P4HA1: variants seen among roughly 807,000 people sequenced by gnomAD.
P4HA1 encodes the protein prolyl 4-hydroxylase subunit alpha-1.
A neutral mutation model predicts 72.8 loss-of-function variants in P4HA1; 24 were observed. The observed-to-expected ratio is 0.33, with a 90% CI of 0.24 to 0.46. The LOEUF (loss-of-function observed/expected upper bound fraction) is 0.46. P4HA1 is among the 20% of genes least tolerant of loss of function. P4HA1 has a pLI of 1.00. For missense variants in P4HA1, 446 were observed against 640.6 expected (o/e 0.70, Z 3.28); for synonymous variants, 201 against 218.8 (o/e 0.92, Z 0.72).
chr10:73,063,231 G>A (rs892172280), intron 5 of P4HA1, among the ~76,000 whole-genome samples: 16 of 152,166 alleles, frequency 1.1e-4, no homozygotes, highest in Non-Finnish European at 1.5e-4. Flanking sequence ...AAGCACCAGC[G>A]GGTTCAATTG....
intron 12 of P4HA1, among the ~76,000 whole-genome samples, chr10:73,013,204 G>A (rs1164123893): frequency 2.6e-5 from 4 of 152,102 alleles, no homozygotes; most frequent in African/African-American, 4.8e-5. Context: ...TTTATGTGAC[G>A]CTGACATTCG....
chr10:73,035,064 G>A (rs933431903), intron 9 of P4HA1, among the ~76,000 whole-genome samples: 1 of 152,062 alleles, frequency 6.6e-6, no homozygotes, highest in African/African-American at 2.4e-5. Flanking sequence ...ATGAACATAG[G>A]TGTGCAAGTA....
chr10:73,088,418 C>T (rs1476537414), intron 1 of P4HA1, among the ~76,000 whole-genome samples: 2 of 152,164 alleles, frequency 1.3e-5, no homozygotes, highest in East Asian at 1.9e-4. Context: ...GACCAGTATT[C>T]CCTCCCTTGG....
chr10:73,011,302 C>T (rs1349648454), intron 12 of P4HA1, among the ~76,000 whole-genome samples: 1 of 152,098 alleles, frequency 6.6e-6, no homozygotes, highest in Admixed American at 6.6e-5. Context: ...GAGATAGGAA[C>T]TTATTTATAG....
chr10:73,085,703 C>G lies in P4HA1; in HGVS notation c.-32-10788G>C, dbSNP rs186658910. On this transcript the variant is annotated intron_variant, in intron 1 of 14. Coordinates refer to ENST00000394890, the MANE Select transcript of P4HA1 (RefSeq NM_001017962.3). ...CGGCCAGTGATTTTTTTTTAATGGG[C>G]AAAGGATTTGAATAGACATTTCTCC... is the stretch of plus-strand genomic sequence containing the variant. Among the ~76,000 whole-genome samples the G allele has an allele frequency of 2.0e-3, 300 of 151,772 alleles. 2 individuals carry two copies. The highest frequency in any genetic ancestry group is 3.7e-3 in the Admixed American group (56 of 15,218).
At chr10:73,086,070 T>C (rs1841918231) in intron 1 of P4HA1, among the ~76,000 whole-genome samples, 1 of 152,212 alleles carries the variant, frequency 6.6e-6, no homozygotes, top group African/African-American at 2.4e-5. Context: ...GGAACTCTGA[T>C]ACATTGCTGG....
chr10:73,057,052 G>A lies in P4HA1; in HGVS notation c.464-3462C>T, dbSNP rs555690306. 1.9e-4 allele frequency among the ~76,000 whole-genome samples: 28 copies of A among 143,734 alleles called. No homozygotes were observed. In the South Asian group the frequency reaches 5.0e-3, roughly 26 times the overall value. 94.3% of individuals were successfully genotyped at this position (143,734 alleles called of 152,430 possible). On this transcript the variant is annotated intron_variant, in intron 5 of 14. Transcript: ENST00000394890. The stretch of plus-strand genomic sequence containing the variant: ...TCCAGCCTGAGTGACAGAGCAAGAC[G>A]CTGTCTCGAAAAAAAAAAAAAAAAT...
chr10:73,037,730 T>C (rs1400614697), intron 9 of P4HA1, among the ~76,000 whole-genome samples: 1 of 150,562 alleles, frequency 6.6e-6, no homozygotes, highest in Non-Finnish European at 1.5e-5. Context: ...TGCTTCATAG[T>C]GGGATAATTA....
At chr10:73,081,426 T>C (rs1589627252) in intron 1 of P4HA1, among the ~76,000 whole-genome samples, 1 of 152,178 alleles carries the variant, frequency 6.6e-6, no homozygotes, top group East Asian at 1.9e-4. Flanking sequence ...ATATTACTTA[T>C]AATGTTTGGT....
At chr10:73,019,733 A>AAAAAAAC (rs1368311178) in intron 10 of P4HA1, among the ~76,000 whole-genome samples, 7 of 149,554 alleles carry the variant, frequency 4.7e-5, no homozygotes, top group Admixed American at 1.3e-4. Context: ...TGTCTCAGAA[A>AAAAAAAC]AAAAAAAAAA....
chr10:73,088,712 A>G (rs1451998054), intron 1 of P4HA1, among the ~76,000 whole-genome samples: 1 of 152,250 alleles, frequency 6.6e-6, no homozygotes, highest in Non-Finnish European at 1.5e-5. Flanking sequence ...GTGCCCAAAT[A>G]AAACAAAGAT....
chr10:73,022,728 A>AG (rs574711766), intron 10 of P4HA1, among the ~76,000 whole-genome samples: 157 of 152,356 alleles, frequency 1.0e-3, no homozygotes, highest in African/African-American at 3.5e-3. Context: ...AGCCATCGCA[A>AG]GGAAGCTAAA....
chr10:73,051,137 TG>T lies in P4HA1; in HGVS notation c.815del (p.Thr272AsnfsTer29). The T allele has an allele frequency of 6.2e-7, 1 of 1,613,878 alleles. No homozygotes were observed. Among genetic ancestry groups the T allele is most frequent in the Non-Finnish European group, 8.5e-7 (1 of 1,179,792 alleles). On this transcript the variant is annotated frameshift_variant, in exon 7 of 15. Coordinates refer to ENST00000394890, the MANE Select transcript of P4HA1 (RefSeq NM_001017962.3). LOFTEE classifies it high-confidence loss of function. ...CCACAGCAACCCCTTTTTTCTTTGGTGTAGTTTTCTGATCAGATTGGTCATC... is the reference window on the plus strand; with the variant it reads ...CCACAGCAACCCCTTTTTTCTTTGGTTAGTTTTCTGATCAGATTGGTCATC... ...ASDDQSDQKT[T>X]PKKKGVAVDY...
chr10:73,026,324 T>G (rs1250246324), intron 10 of P4HA1, among the ~76,000 whole-genome samples: 1 of 152,174 alleles, frequency 6.6e-6, no homozygotes. Flanking sequence ...CATCTGATCT[T>G]TGACGAACCT....
At chr10:73,060,360 A>T (rs906965771) in intron 5 of P4HA1, among the ~76,000 whole-genome samples, 1 of 152,222 alleles carries the variant, frequency 6.6e-6, no homozygotes. Context: ...TATAGCAATA[A>T]TCACCCCTAG....
rs1164593100 is a variant in P4HA1 at position 73,008,120 on chromosome 10, T to C, written c.*102A>G. 3.5e-5 allele frequency: 24 copies of C among 684,254 alleles called. No homozygotes were observed. The Admixed American group carries it at 4.0e-4, about 11-fold the overall frequency. The allele number at this position is 684,254 out of a possible 1,614,324, so 42.4% of individuals were successfully genotyped here. On this transcript the variant is annotated 3_prime_UTR_variant, in exon 15 of 15. Transcript: ENST00000394890. The stretch of plus-strand genomic sequence containing the variant: ...ATGAGGTTCATGACTGAATCAATCA[T>C]GGAGTGTTAGTCAATTGTAAACTCC...
chr10:73,091,406 A>T (rs1485132784), intron 1 of P4HA1, among the ~76,000 whole-genome samples: 1 of 152,100 alleles, frequency 6.6e-6, no homozygotes, highest in Non-Finnish European at 1.5e-5. Context: ...GGCTCCAGAG[A>T]TCTTCCCACC....
intron 12 of P4HA1, among the ~76,000 whole-genome samples, chr10:73,011,546 C>A (rs963753899): frequency 5.3e-5 from 8 of 151,854 alleles, no homozygotes; most frequent in African/African-American, 1.9e-4. Flanking sequence ...GGAAGGGAAT[C>A]AAACATATTA....
chr10:73,029,415 CA>C (rs769323241), intron 10 of P4HA1, among the ~76,000 whole-genome samples: 13,744 of 56,982 alleles, frequency 0.24, 1,863 homozygotes, highest in African/African-American at 0.52. Context: ...GACTCCATCT[CA>C]AAAAAAAAAA....
Sources: gnomAD v4.1 joint callset for allele counts (sites outside exome capture counted in the v4.1 genomes callset) on GRCh38, gnomAD v4.1.1 for gene constraint, MANE v1.5 for transcripts, NCBI Gene and HGNC (gene_info 2026-07-23, HGNC 2026-07-21) for gene names.